The following AHCYL2 variants were observed in gnomAD, a reference collection of about 807,000 sequenced individuals.
AHCYL2 encodes adenosylhomocysteinase like 2.
A neutral mutation model predicts 81.4 loss-of-function variants in AHCYL2; 28 were observed. The ratio of observed to expected loss-of-function variants is 0.34; its 90% CI spans 0.25 to 0.47. The LOEUF (loss-of-function observed/expected upper bound fraction) is 0.47, where lower values mean the gene tolerates loss of function less well. Ranked by LOEUF, AHCYL2 falls within the 20% of genes least tolerant of loss-of-function variation. AHCYL2 has a pLI of 1.00. For synonymous variants in AHCYL2, 272 were observed against 290.2 expected (o/e 0.94, Z 0.64); for missense variants, 551 against 785.1 (o/e 0.70, Z 3.56).
chr7:129,384,906 A>G (rs1196917246), intron 2 of AHCYL2, among the ~76,000 whole-genome samples: 1 of 152,236 alleles, frequency 6.6e-6, no homozygotes, highest in East Asian at 1.9e-4. Context: ...AAAACGCTGC[A>G]TTAATCCACG....
intron 1 of AHCYL2, among the ~76,000 whole-genome samples, chr7:129,314,965 T>G (rs187794397): frequency 1.2e-3 from 190 of 152,288 alleles, no homozygotes; most frequent in African/African-American, 4.4e-3. Flanking sequence ...CCTGTTAGAT[T>G]AAGATACTAA....
intron 1 of AHCYL2, among the ~76,000 whole-genome samples, chr7:129,341,561 A>G (rs1793182474): frequency 6.6e-6 from 1 of 152,208 alleles, no homozygotes; most frequent in Admixed American, 6.5e-5. Context: ...AGCATAGCAT[A>G]TAATTCTTTG....
At chr7:129,290,731 C>A (rs981800875) in intron 1 of AHCYL2, among the ~76,000 whole-genome samples, 88 of 151,726 alleles carry the variant, frequency 5.8e-4, no homozygotes, top group African/African-American at 2.1e-3. Flanking sequence ...GAGTTCGAGA[C>A]CAGCCTGGTC....
At position 129,426,596 on chromosome 7, in the gene AHCYL2, T is replaced by C. The variant is rs1797375707; in HGVS notation, c.1829+33T>C. 4.4e-6 allele frequency: 7 copies of C among 1,604,198 alleles called. No homozygotes were observed. The highest frequency in any genetic ancestry group is 6.0e-6 in the Non-Finnish European group (7 of 1,175,656). On this transcript the variant is annotated intron_variant, in intron 16 of 16. Transcript: ENST00000325006. The surrounding 1 kb of genome is among the most constrained non-coding windows in gnomAD (Gnocchi z 4.3). ...GGGCTCCCCAGAAATCAGGGACACC[T>C]GGGCAGTGATGAGCTTCCTGCACTG... is the stretch of plus-strand genomic sequence containing the variant.
intron 1 of AHCYL2, among the ~76,000 whole-genome samples, chr7:129,230,935 T>G (rs960790035): frequency 1.3e-5 from 2 of 152,134 alleles, no homozygotes; most frequent in Non-Finnish European, 2.9e-5. Flanking sequence ...TCTTTTTATT[T>G]ATTGCGTGGT....
At chr7:129,394,509 G>A (rs1180577238) in intron 4 of AHCYL2, among the ~76,000 whole-genome samples, 1 of 137,790 alleles carries the variant, frequency 7.3e-6, no homozygotes, top group Non-Finnish European at 1.5e-5. Context: ...GTGCAACGGT[G>A]CAATCTTGGC....
chr7:129,230,361 C>T (rs1280550395), intron 1 of AHCYL2, among the ~76,000 whole-genome samples: 3 of 152,042 alleles, frequency 2.0e-5, no homozygotes, highest in Admixed American at 6.6e-5. Context: ...GGATTACAGG[C>T]ATGAGCCACC....
In AHCYL2 at chr7:129,419,671, C is replaced by T. The variant is rs566265565; in HGVS notation, c.1462-3169C>T. Among the ~76,000 whole-genome samples the T allele has an allele frequency of 2.7e-5, 4 of 150,796 alleles. No individual in the cohort carries two copies. Among genetic ancestry groups the T allele is most frequent in the African/African-American group, 4.9e-5 (2 of 40,954 alleles). On this transcript the variant is annotated intron_variant, in intron 12 of 16. Transcript: ENST00000325006. This position sits in a 1 kb window ranked among gnomAD's most constrained non-coding sequence, Gnocchi z 4.7. ...ATAGGCTTTAAACATTTTTTCCAGCCGAAGAACGATTTAACCTGAGACTTT... is the reference window on the plus strand; with the variant it reads ...ATAGGCTTTAAACATTTTTTCCAGCTGAAGAACGATTTAACCTGAGACTTT...
At chr7:129,238,311 G>T (rs1046094888) in intron 1 of AHCYL2, among the ~76,000 whole-genome samples, 1 of 152,162 alleles carries the variant, frequency 6.6e-6, no homozygotes, top group Non-Finnish European at 1.5e-5. Flanking sequence ...ATTTCTGTAA[G>T]GGAGAAAAGA....
intron 12 of AHCYL2, among the ~76,000 whole-genome samples, chr7:129,414,608 G>A (rs1469735356): frequency 6.6e-6 from 1 of 151,730 alleles, no homozygotes; most frequent in Non-Finnish European, 1.5e-5. Flanking sequence ...TTTAGTAGAG[G>A]CAGAGTTTCA....
rs1216886365 is a variant in AHCYL2 at position 129,368,858 on chromosome 7, G to T, written c.364-10780G>T. Among the ~76,000 whole-genome samples, 1 of 152,114 alleles carries T rather than the reference G, an allele frequency of 6.6e-6. No homozygotes were observed. Among genetic ancestry groups the T allele is most frequent in the African/African-American group, 2.4e-5 (1 of 41,410 alleles). On this transcript the variant is annotated intron_variant, in intron 1 of 16. Transcript: ENST00000325006. This position sits in a 1 kb window ranked among gnomAD's most constrained non-coding sequence, Gnocchi z 4.4. ...GGGTTGTGTTTCCTGTGACTGTTTTGCACTTCTGTTTTCAACCTGATGCTT... is the reference window on the plus strand; with the variant it reads ...GGGTTGTGTTTCCTGTGACTGTTTTTCACTTCTGTTTTCAACCTGATGCTT...
chr7:129,365,983 T>C (rs1250917686), intron 1 of AHCYL2, among the ~76,000 whole-genome samples: 1 of 152,178 alleles, frequency 6.6e-6, no homozygotes, highest in Non-Finnish European at 1.5e-5. Context: ...AGGTAACAGA[T>C]GTGACTTCTC....
intron 1 of AHCYL2, among the ~76,000 whole-genome samples, chr7:129,331,810 C>G (rs1211842290): frequency 6.6e-6 from 1 of 151,714 alleles, no homozygotes; most frequent in Non-Finnish European, 1.5e-5. Flanking sequence ...CCATTGCACT[C>G]CAGCCTGGGC....
chr7:129,242,249 C>T (rs1794885563), intron 1 of AHCYL2, among the ~76,000 whole-genome samples: 1 of 152,036 alleles, frequency 6.6e-6, no homozygotes, highest in Admixed American at 6.6e-5. Context: ...TGGTCTCAAA[C>T]TCCTCCTGGA....
chr7:129,321,991 G>T lies in AHCYL2; in HGVS notation c.364-57647G>T, dbSNP rs149175947. On this transcript the variant is annotated intron_variant, in intron 1 of 16. Coordinates refer to ENST00000325006, the MANE Select transcript of AHCYL2 (RefSeq NM_015328.4). Reference sequence around the variant, plus strand: ...GGGTTTCGCCATGTTGGCCAGGCTGGTCTCAAACTCCTGACCTCAGGTGAT... The same window carrying T: ...GGGTTTCGCCATGTTGGCCAGGCTGTTCTCAAACTCCTGACCTCAGGTGAT... Among the ~76,000 whole-genome samples, 922 of 152,026 alleles carry T rather than the reference G, an allele frequency of 6.1e-3. 11 individuals are homozygous for T. The highest frequency in any genetic ancestry group is 0.021 in the African/African-American group (888 of 41,496).
chr7:129,335,992 C>A (rs1445566349), intron 1 of AHCYL2, among the ~76,000 whole-genome samples: 2 of 151,578 alleles, frequency 1.3e-5, no homozygotes, highest in Non-Finnish European at 2.9e-5. Flanking sequence ...TAGATGGCTT[C>A]TATTGAGAAT....
At chr7:129,350,092 A>G (rs1046562762) in intron 1 of AHCYL2, among the ~76,000 whole-genome samples, 3 of 152,218 alleles carry the variant, frequency 2.0e-5, no homozygotes, top group African/African-American at 7.2e-5. Context: ...GGCTTTATAG[A>G]AGATGGGATT....
At chr7:129,310,358 TC>T (rs1271547268) in intron 1 of AHCYL2, among the ~76,000 whole-genome samples, 14 of 152,178 alleles carry the variant, frequency 9.2e-5, no homozygotes, top group Non-Finnish European at 1.3e-4. Context: ...TCCTGTCAAA[TC>T]ATTCATTCTT....
At chr7:129,403,740 G>A (rs933156687) in intron 7 of AHCYL2, among the ~76,000 whole-genome samples, 4 of 151,248 alleles carry the variant, frequency 2.6e-5, no homozygotes, top group Non-Finnish European at 4.4e-5. Flanking sequence ...GGGCGCCTGT[G>A]GTCCCAGCTA....
Sources: allele counts gnomAD v4.1 joint callset (sites outside exome capture counted in the v4.1 genomes callset), GRCh38; gene constraint gnomAD v4.1.1; non-coding constraint Gnocchi (gnomAD v3.1); transcripts MANE v1.5; gene names NCBI Gene and HGNC (gene_info 2026-07-23, HGNC 2026-07-21).